Variants in DIP2C observed in about 807,000 individuals in gnomAD.
The protein encoded by DIP2C is disco-interacting protein 2 homolog C.
DIP2C carries 33 observed loss-of-function variants against 192.4 expected under a neutral mutation model. The observed-to-expected ratio is 0.17, with a 90% confidence interval of 0.13 to 0.23. The LOEUF (loss-of-function observed/expected upper bound fraction) is 0.23. DIP2C is among the 10% of genes least tolerant of loss of function. The pLI is 1.00. For missense variants in DIP2C, 1,537 were observed against 2,110.1 expected, an observed-to-expected ratio of 0.73 and a Z score of 5.32; for synonymous variants, 979 against 864.1, an observed-to-expected ratio of 1.13 and a Z score of -2.33.
At chr10:570,051 T>C (rs546456603) in intron 1 of DIP2C, among the ~76,000 whole-genome samples, 79 of 152,242 alleles carry the variant, frequency 5.2e-4, no homozygotes, top group Non-Finnish European at 1.0e-3. Context: ...CTCCACAGAC[T>C]GAAGTATGCC....
intron 1 of DIP2C, among the ~76,000 whole-genome samples, chr10:658,779 G>A (rs959399543): frequency 6.6e-6 from 1 of 152,108 alleles, no homozygotes; most frequent in Non-Finnish European, 1.5e-5. Flanking sequence ...TAACCCCAAT[G>A]GTATATGTAA....
chr10:646,259 G>A (rs1245097380), intron 1 of DIP2C, among the ~76,000 whole-genome samples: 14 of 143,490 alleles, frequency 9.8e-5, no homozygotes, highest in Admixed American at 2.7e-4. Flanking sequence ...TCACTGCCCC[G>A]TGCCCCCCGC....
chr10:420,487 T>C (rs1289042674), intron 5 of DIP2C, among the ~76,000 whole-genome samples: 3 of 152,204 alleles, frequency 2.0e-5, no homozygotes, highest in Non-Finnish European at 2.9e-5. Context: ...CAGGCCCGAC[T>C]TCCTGCAGAA....
chr10:627,665 A>T (rs1451313710), intron 1 of DIP2C, among the ~76,000 whole-genome samples: 1 of 152,230 alleles, frequency 6.6e-6, no homozygotes, highest in Non-Finnish European at 1.5e-5. Flanking sequence ...GGTGTAAGGG[A>T]AACCCCAAGC....
intron 3 of DIP2C, among the ~76,000 whole-genome samples, chr10:469,109 G>A (rs912345406): frequency 6.6e-6 from 1 of 152,090 alleles, no homozygotes; most frequent in Admixed American, 6.5e-5. Flanking sequence ...CCTGGGAGCA[G>A]AATTGGAGAC....
In DIP2C at chr10:376,960, T is replaced by C. The variant is rs537772147; in HGVS notation, c.1991+5687A>G. ...AGATAAGTGAGATTGCGATTTTTAA[T>C]AGGAAAAGATACAATGTAAAAGCAG... On this transcript the variant is annotated intron_variant, in intron 17 of 36. Coordinates refer to ENST00000280886, the MANE Select transcript of DIP2C (RefSeq NM_014974.3). Among the ~76,000 whole-genome samples the C allele has an allele frequency of 1.2e-3, 189 of 152,310 alleles. 1 individual carries two copies. Among genetic ancestry groups the C allele is most frequent in the Non-Finnish European group, 2.3e-3 (159 of 68,028 alleles).
At chr10:553,601 T>C (rs934449658) in intron 1 of DIP2C, among the ~76,000 whole-genome samples, 54 of 152,244 alleles carry the variant, frequency 3.5e-4, no homozygotes, top group African/African-American at 8.4e-4. Context: ...AGTATGTGCA[T>C]TGAATACTGT....
chr10:433,262 GCTTT>G lies in DIP2C; in HGVS notation c.394+7605_394+7608del, dbSNP rs1268873732. Among the ~76,000 whole-genome samples the G allele has an allele frequency of 7.2e-5, 11 of 152,254 alleles. No homozygotes were observed. In the East Asian group the frequency reaches 1.9e-3, roughly 27 times the overall value. On this transcript the variant is annotated intron_variant, in intron 4 of 36. Coordinates refer to ENST00000280886, the MANE Select transcript of DIP2C (RefSeq NM_014974.3). ...TCAGTTTTTGCTTTGGCATTTTGAT[GCTTT>G]CTTAGGCAAAAATACATTTAAGGAT... is the stretch of plus-strand genomic sequence containing the variant.
chr10:325,540 T>G (rs1159316368), intron 31 of DIP2C, among the ~76,000 whole-genome samples: 2 of 152,100 alleles, frequency 1.3e-5, no homozygotes, highest in Non-Finnish European at 2.9e-5. Flanking sequence ...TGCCCGGGGG[T>G]CCCTGTCACT....
intron 1 of DIP2C, among the ~76,000 whole-genome samples, chr10:573,245 G>A (rs1342269030): frequency 1.3e-5 from 2 of 152,174 alleles, no homozygotes; most frequent in Non-Finnish European, 2.9e-5. Flanking sequence ...TGATGATCAA[G>A]AGAAGCCTAC....
intron 1 of DIP2C, among the ~76,000 whole-genome samples, chr10:597,936 C>G (rs1851813014): frequency 1.3e-5 from 2 of 152,184 alleles, no homozygotes; most frequent in Admixed American, 6.5e-5. Context: ...AAGGAAAGCA[C>G]CCATCTGTCC....
intron 23 of DIP2C, among the ~76,000 whole-genome samples, chr10:356,722 C>T (rs1447338328): frequency 2.0e-5 from 3 of 152,236 alleles, no homozygotes; most frequent in East Asian, 1.9e-4. Flanking sequence ...TTTGTTCCTG[C>T]AGGGACTTAG....
intron 1 of DIP2C, among the ~76,000 whole-genome samples, chr10:515,252 A>T (rs1292435933): frequency 6.6e-6 from 1 of 152,256 alleles, no homozygotes; most frequent in Non-Finnish European, 1.5e-5. Flanking sequence ...AAGAATAACC[A>T]TAAATGGATA....
At chr10:281,165 C>A (rs761684238) in intron 36 of DIP2C, 35 bp downstream of exon 36, 2 of 1,608,776 alleles carry the variant, frequency 1.2e-6, no homozygotes, top group Admixed American at 3.3e-5. Context: ...AACTCTGCTC[C>A]TGATTTGGGT....
intron 36 of DIP2C, among the ~76,000 whole-genome samples, chr10:280,041 G>A (rs917060191): frequency 9.3e-5 from 14 of 151,326 alleles, no homozygotes; most frequent in African/African-American, 3.4e-4. Context: ...GAGTTTCTGG[G>A]CCAAAGTCTT....
chr10:539,022 T>C (rs775527294), intron 1 of DIP2C, among the ~76,000 whole-genome samples: 22 of 152,160 alleles, frequency 1.4e-4, no homozygotes, highest in Non-Finnish European at 2.8e-4. Flanking sequence ...CGTCATTCCA[T>C]GAGTTTTGTG....
intron 1 of DIP2C, among the ~76,000 whole-genome samples, chr10:491,286 A>G (rs1161625725): frequency 6.6e-6 from 1 of 152,236 alleles, no homozygotes; most frequent in Non-Finnish European, 1.5e-5. Flanking sequence ...GGCGGTTTCC[A>G]TGTGCAGTGT....
intron 1 of DIP2C, among the ~76,000 whole-genome samples, chr10:592,191 G>A (rs949793862): frequency 6.6e-6 from 1 of 152,176 alleles, no homozygotes; most frequent in African/African-American, 2.4e-5. Context: ...AATTCCAAGT[G>A]TAATAATCGG....
At chr10:581,902 G>A (rs1009776684) in intron 1 of DIP2C, among the ~76,000 whole-genome samples, 6 of 152,222 alleles carry the variant, frequency 3.9e-5, no homozygotes, top group East Asian at 1.9e-4. Flanking sequence ...TGGCACCAGC[G>A]ATGGGTTTAC....
Sources: allele counts gnomAD v4.1 joint callset (sites outside exome capture counted in the v4.1 genomes callset), GRCh38; gene constraint gnomAD v4.1.1; transcripts MANE v1.5; gene names NCBI Gene and HGNC (gene_info 2026-07-23, HGNC 2026-07-21).